Variants in MIA2 observed in about 807,000 individuals in gnomAD.
MIA2 encodes the protein melanoma inhibitory activity protein 2.
A neutral mutation model predicts 167.8 loss-of-function variants in MIA2; 127 were observed. That is an observed-to-expected ratio of 0.76 (90% CI 0.66 to 0.88). MIA2 has a LOEUF of 0.88. Ranked by LOEUF, MIA2 falls within the 40% of genes least tolerant of loss-of-function variation. The pLI is 0.00. For synonymous variants in MIA2, 552 were observed against 541.9 expected (o/e 1.02, Z -0.26); for missense variants, 1,690 against 1,624.7 (o/e 1.04, Z -0.69).
At chr14:39,345,659 A>C (rs1432359792) in intron 25 of MIA2, among the ~76,000 whole-genome samples, 2 of 152,204 alleles carry the variant, frequency 1.3e-5, no homozygotes, top group South Asian at 2.1e-4. Flanking sequence ...CACATATTCT[A>C]ATTTACACAT....
At chr14:39,280,711 A>G (rs1003507128) in intron 9 of MIA2, among the ~76,000 whole-genome samples, 1 of 152,044 alleles carries the variant, frequency 6.6e-6, no homozygotes, top group African/African-American at 2.4e-5. Context: ...CAGCCTGGGC[A>G]ACAGAGTGAG....
rs112739863 is a variant in MIA2, at chr14:39,279,006, T to C, written c.2020-331T>C. ...TGAAACCCGGTCTCTACTAAAAATA[T>C]GAAAATTGGCTAGGCATGGTGGTGG... On this transcript the variant is annotated intron_variant, in intron 7 of 28. Coordinates refer to ENST00000640607, the MANE Select transcript of MIA2 (RefSeq NM_001329214.4). Among the ~76,000 whole-genome samples the C allele has an allele frequency of 4.3e-3, 656 of 151,808 alleles. 5 individuals carry two copies. Among genetic ancestry groups the C allele is most frequent in the African/African-American group, 0.015 (602 of 41,410 alleles).
intron 9 of MIA2, 64 bp downstream of exon 9, chr14:39,279,601 G>C (rs1013543303): frequency 2.0e-6 from 2 of 1,004,246 alleles, no homozygotes; most frequent in African/African-American, 3.3e-5. Flanking sequence ...CTCACTGTAG[G>C]TACTTCTGTG....
At chr14:39,277,113 C>T in intron 7 of MIA2, 48 bp downstream of exon 7, 1 of 1,559,440 alleles carries the variant, frequency 6.4e-7, no homozygotes, top group Admixed American at 2.0e-5. Flanking sequence ...TGTCACTGGG[C>T]TGAACAAATA....
chr14:39,347,227 A>C (rs890891762), intron 26 of MIA2, among the ~76,000 whole-genome samples: 3 of 152,212 alleles, frequency 2.0e-5, no homozygotes, highest in African/African-American at 4.8e-5. Flanking sequence ...AGAAAGCTAC[A>C]AGAGGAGAGG....
chr14:39,247,427 G>T lies in MIA2; in HGVS notation c.853G>T (p.Asp285Tyr), dbSNP rs1294677448. 1.2e-6 allele frequency: 2 copies of T among 1,614,064 alleles called. No individual in the cohort carries two copies. Among genetic ancestry groups the T allele is most frequent in the South Asian group, 2.2e-5 (2 of 91,060 alleles). ...TCAGCAAGAATCTGAATCAGAAATTGATTCAGTGCCAAAGACACAGTCTGA... is the reference window on the plus strand; with the variant it reads ...TCAGCAAGAATCTGAATCAGAAATTTATTCAGTGCCAAAGACACAGTCTGA... ...EHQQESESEI[D>Y]SVPKTQSELA... is the part of the protein sequence containing the mutation. Residue 285 changes from aspartate (D) to tyrosine (Y), a missense_variant, in exon 4 of 29, where the codon GAT becomes TAT. Coordinates refer to ENST00000640607, the MANE Select transcript of MIA2 (RefSeq NM_001329214.4).
intron 18 of MIA2, among the ~76,000 whole-genome samples, chr14:39,309,113 C>A (rs970596304): frequency 2.0e-5 from 3 of 152,148 alleles, no homozygotes; most frequent in Non-Finnish European, 2.9e-5. Context: ...CTGAATCTGA[C>A]CACTTTTTAC....
chr14:39,293,124 A>G (rs971876309), intron 10 of MIA2, 147 bp from the exon 11 acceptor site: 42 of 643,798 alleles, frequency 6.5e-5, no homozygotes, highest in Non-Finnish European at 9.3e-5. Context: ...CCACTGCTAC[A>G]ATTGCTGTTA....
At chr14:39,340,973 G>A (rs1406191101) in intron 25 of MIA2, among the ~76,000 whole-genome samples, 3 of 152,108 alleles carry the variant, frequency 2.0e-5, no homozygotes, top group Admixed American at 1.3e-4. Flanking sequence ...AAAAAGAGAT[G>A]GTAGCTGGAG....
intron 9 of MIA2, among the ~76,000 whole-genome samples, chr14:39,289,416 T>C (rs1248951029): frequency 6.6e-6 from 1 of 152,156 alleles, no homozygotes; most frequent in East Asian, 1.9e-4. Context: ...AGTTTCACCA[T>C]GTTGGCTAGG....
At chr14:39,298,666 A>G (rs1378091246) in intron 13 of MIA2, among the ~76,000 whole-genome samples, 1 of 149,772 alleles carries the variant, frequency 6.7e-6, no homozygotes, top group Non-Finnish European at 1.5e-5. Context: ...TTTCATATAT[A>G]TGAGCCATTT....
At chr14:39,284,155 T>C (rs1410650731) in intron 9 of MIA2, among the ~76,000 whole-genome samples, 1 of 152,190 alleles carries the variant, frequency 6.6e-6, no homozygotes, top group Admixed American at 6.6e-5. Flanking sequence ...GCTTTTTCCC[T>C]GTGTTTTCTT....
At chr14:39,261,132 C>T (rs2055085193) in intron 6 of MIA2, among the ~76,000 whole-genome samples, 1 of 151,858 alleles carries the variant, frequency 6.6e-6, no homozygotes, top group African/African-American at 2.4e-5. Flanking sequence ...AGTGCTTTTC[C>T]CTCCCCCTCC....
chr14:39,339,243 T>C (rs1289578246), intron 25 of MIA2, among the ~76,000 whole-genome samples: 1 of 152,174 alleles, frequency 6.6e-6, no homozygotes, highest in African/African-American at 2.4e-5. Flanking sequence ...AAACAGTTCC[T>C]AACAGCCCGC....
chr14:39,324,754 G>A (rs982680620), intron 24 of MIA2, among the ~76,000 whole-genome samples: 6 of 151,958 alleles, frequency 3.9e-5, no homozygotes, highest in South Asian at 2.1e-4. Flanking sequence ...TTACAGGCAC[G>A]TGCCACTGTA....
intron 25 of MIA2, among the ~76,000 whole-genome samples, chr14:39,342,705 G>A (rs1450629576): frequency 2.0e-5 from 3 of 152,138 alleles, no homozygotes; most frequent in African/African-American, 7.2e-5. Context: ...GTGCGTAAAT[G>A]TGTAAATAAG....
At chr14:39,325,736 T>A (rs745372814) in intron 24 of MIA2, among the ~76,000 whole-genome samples, 9 of 150,644 alleles carry the variant, frequency 6.0e-5, no homozygotes, top group Non-Finnish European at 1.2e-4. Flanking sequence ...TTTTTTGAGA[T>A]GGAGTCTCAC....
At chr14:39,292,074 C>G (rs1444388887) in intron 10 of MIA2, among the ~76,000 whole-genome samples, 1 of 152,146 alleles carries the variant, frequency 6.6e-6, no homozygotes, top group Non-Finnish European at 1.5e-5. Context: ...AAATTGGATT[C>G]CAAATAAGTT....
rs113482316 is a variant in MIA2 at position 39,288,075 on chromosome 14, C to T, written c.2131-2944C>T. Among the ~76,000 whole-genome samples the T allele has an allele frequency of 4.8e-3, 734 of 152,124 alleles. 5 individuals carry two copies. Among genetic ancestry groups the T allele is most frequent in the African/African-American group, 0.015 (637 of 41,488 alleles). On this transcript the variant is annotated intron_variant, in intron 9 of 28. Transcript: ENST00000640607. ...TTGCACAGGCTGGTCTCGAACTCCTCGGACTTCCCAAAGTGTTGGGATTAC... is the reference window on the plus strand; with the variant it reads ...TTGCACAGGCTGGTCTCGAACTCCTTGGACTTCCCAAAGTGTTGGGATTAC...
Sources: allele counts gnomAD v4.1 joint callset (sites outside exome capture counted in the v4.1 genomes callset), GRCh38; gene constraint gnomAD v4.1.1; transcripts MANE v1.5; gene names NCBI Gene and HGNC (gene_info 2026-07-23, HGNC 2026-07-21).